Variants in FRMPD4 observed in about 807,000 individuals in gnomAD.
FRMPD4 encodes FERM and PDZ domain-containing protein 4.
FRMPD4 carries 22 observed loss-of-function variants against 94.1 expected under a neutral mutation model. The observed-to-expected ratio is 0.23, with a 90% confidence interval of 0.17 to 0.33. The LOEUF (loss-of-function observed/expected upper bound fraction) is 0.33. Among genes scored for constraint, FRMPD4 ranks in the 10% least tolerant of loss-of-function variants. The pLI is 1.00. For synonymous variants in FRMPD4, 631 were observed against 548.6 expected (o/e 1.15, Z -2.10); for missense variants, 1,111 against 1,339.9 (o/e 0.83, Z 2.67).
chrX:12,391,129 C>T (rs753278294), intron 1 of FRMPD4, among the ~76,000 whole-genome samples: 1 of 111,827 alleles, frequency 8.9e-6, no homozygotes, highest in Non-Finnish European at 1.9e-5. Context: ...GAATTCTTTT[C>T]GTAAGGAAAA....
rs767260298 is a variant in FRMPD4 at position 12,539,250 on chromosome X, A to C, written c.158+40454A>C. Among the ~76,000 whole-genome samples the C allele has an allele frequency of 4.5e-5, 5 of 112,050 alleles. No individual in the cohort carries two copies. In the East Asian group the frequency reaches 1.4e-3, roughly 31 times the overall value. On this transcript the variant is annotated intron_variant, in intron 2 of 16. Transcript: ENST00000675598. ...GAAGTTTAGAGAAAAAAACAGTAAA[A>C]AGAAACGAACAAAGCCTCCAAGAAA... is the stretch of plus-strand genomic sequence containing the variant.
At chrX:12,570,188 T>C (rs1308878193) in intron 2 of FRMPD4, among the ~76,000 whole-genome samples, 1 of 112,398 alleles carries the variant, frequency 8.9e-6, no homozygotes, top group Non-Finnish European at 1.9e-5. Flanking sequence ...CCAAGGCATC[T>C]CCTGTAATTC....
intron 3 of FRMPD4, among the ~76,000 whole-genome samples, chrX:12,080,958 G>GC (rs1335540744): frequency 1.8e-5 from 2 of 112,010 alleles, no homozygotes; most frequent in African/African-American, 6.5e-5. Context: ...CTATTTGTTT[G>GC]CCTTTCCTCC....
At chrX:12,615,939 T>G (rs1476462235) in intron 4 of FRMPD4, among the ~76,000 whole-genome samples, 1 of 111,317 alleles carries the variant, frequency 9.0e-6, no homozygotes, top group Non-Finnish European at 1.9e-5. Context: ...CAGCTTTTGC[T>G]TCACAAAGAG....
At chrX:12,053,017 T>G (rs2054826744) in intron 3 of FRMPD4, among the ~76,000 whole-genome samples, 1 of 110,821 alleles carries the variant, frequency 9.0e-6, no homozygotes, top group Admixed American at 9.7e-5. Flanking sequence ...ATTGCAAGAT[T>G]TGGGATTCTT....
intron 2 of FRMPD4, among the ~76,000 whole-genome samples, chrX:12,577,641 C>T (rs1323745379): frequency 9.0e-6 from 1 of 111,158 alleles, no homozygotes; most frequent in African/African-American, 3.3e-5. Context: ...GGACAAGAGG[C>T]CATAGCTGAT....
intron 1 of FRMPD4, among the ~76,000 whole-genome samples, chrX:12,235,086 T>C (rs1260901799): frequency 8.9e-6 from 1 of 112,075 alleles, no homozygotes; most frequent in Non-Finnish European, 1.9e-5. Flanking sequence ...TGGATTCTTT[T>C]AATGTGTTCG....
At chrX:12,068,756 T>A (rs1168720680) in intron 3 of FRMPD4, among the ~76,000 whole-genome samples, 3 of 112,494 alleles carry the variant, frequency 2.7e-5, no homozygotes, top group Non-Finnish European at 3.7e-5. Context: ...ACTTGTCGAT[T>A]AGTTGATTAA....
At position 12,365,053 on chromosome X, in the gene FRMPD4, A is replaced by G. The variant is rs190904927; in HGVS notation, c.42-133627A>G. ...CTTAATTTGATTCTGTATCTTTGTA[A>G]ACAGCCCATTTGAGAACACATCTGG... On this transcript the variant is annotated intron_variant, in intron 1 of 16. Coordinates refer to ENST00000675598, the MANE Select transcript of FRMPD4 (RefSeq NM_001368397.1). 5.2e-4 allele frequency among the ~76,000 whole-genome samples: 59 copies of G among 112,459 alleles called. 1 individual carries two copies. Among genetic ancestry groups the G allele is most frequent in the Middle Eastern group, 4.6e-3 (1 of 217 alleles).
intron 2 of FRMPD4, among the ~76,000 whole-genome samples, chrX:12,533,259 A>G (rs2058303487): frequency 8.9e-6 from 1 of 112,319 alleles, no homozygotes; most frequent in African/African-American, 3.2e-5. Context: ...CCTGCCTTTC[A>G]GCTTCCAGCG....
chrX:12,244,839 G>A (rs2053931249), intron 1 of FRMPD4, among the ~76,000 whole-genome samples: 1 of 112,033 alleles, frequency 8.9e-6, no homozygotes, highest in Admixed American at 9.4e-5. Context: ...ACAGAGCTGA[G>A]ATGCCTGGAC....
rs188640153 is a variant in FRMPD4 at position 12,367,725 on chromosome X, G to A, written c.42-130955G>A. On this transcript the variant is annotated intron_variant, in intron 1 of 16. Coordinates refer to ENST00000675598, the MANE Select transcript of FRMPD4 (RefSeq NM_001368397.1). ...TGGACCTGGTCAGGGATTAGACATG[G>A]AAGGTGAAGGAGATGATGTCAAGGC... is the stretch of plus-strand genomic sequence containing the variant. 4.1e-3 allele frequency among the ~76,000 whole-genome samples: 455 copies of A among 111,783 alleles called. 1 individual carries two copies. Among genetic ancestry groups the A allele is most frequent in the Middle Eastern group, 9.2e-3 (2 of 218 alleles).
intron 1 of FRMPD4, among the ~76,000 whole-genome samples, chrX:12,155,583 A>G (rs1420282766): frequency 1.5e-5 from 1 of 68,516 alleles, no homozygotes; most frequent in Non-Finnish European, 2.5e-5. Flanking sequence ...TATCCTCACA[A>G]AAAAAAAAAA....
At chrX:12,173,919 C>T (rs777037737) in intron 1 of FRMPD4, among the ~76,000 whole-genome samples, 2 of 111,498 alleles carry the variant, frequency 1.8e-5, no homozygotes, top group Non-Finnish European at 3.8e-5. Flanking sequence ...TGAGAGCAGG[C>T]ATCCAGGGCT....
chrX:12,026,705 G>A (rs994442883), intron 3 of FRMPD4, among the ~76,000 whole-genome samples: 2 of 112,412 alleles, frequency 1.8e-5, no homozygotes, highest in Non-Finnish European at 3.8e-5. Flanking sequence ...TTAAATACCA[G>A]CAACTGTGTC....
intron 3 of FRMPD4, among the ~76,000 whole-genome samples, chrX:11,993,590 G>A (rs1202893889): frequency 8.9e-6 from 1 of 112,065 alleles, no homozygotes; most frequent in Non-Finnish European, 1.9e-5. Context: ...AACAAAAACA[G>A]AAACATTCAT....
intron 3 of FRMPD4, among the ~76,000 whole-genome samples, chrX:12,095,811 C>T (rs142773366): frequency 8.9e-6 from 1 of 112,425 alleles, no homozygotes; most frequent in African/African-American, 3.2e-5. Context: ...ATGCACATGA[C>T]AACACTTCAA....
intron 1 of FRMPD4, among the ~76,000 whole-genome samples, chrX:12,270,767 G>C (rs2054344192): frequency 9.0e-6 from 1 of 111,394 alleles, no homozygotes; most frequent in African/African-American, 3.3e-5. Flanking sequence ...AGGCCACAAG[G>C]TATGAAACTG....
intron 1 of FRMPD4, among the ~76,000 whole-genome samples, chrX:12,259,269 T>C (rs1313446518): frequency 9.0e-6 from 1 of 111,506 alleles, no homozygotes; most frequent in Non-Finnish European, 1.9e-5. Context: ...GGGAAGATCA[T>C]GTGTAGGAAG....
Sources: allele counts gnomAD v4.1 joint callset (sites outside exome capture counted in the v4.1 genomes callset), GRCh38; gene constraint gnomAD v4.1.1; transcripts MANE v1.5; gene names NCBI Gene and HGNC (gene_info 2026-07-23, HGNC 2026-07-21).